TBX15: variants seen among roughly 807,000 people sequenced by gnomAD.
The protein encoded by TBX15 is T-box transcription factor 15.
In TBX15, 18 loss-of-function variants were observed where a neutral mutation model predicts 53.9. The ratio of observed to expected loss-of-function variants is 0.33; its 90% CI spans 0.23 to 0.49. TBX15 has a LOEUF of 0.49. TBX15 is among the 20% of genes least tolerant of loss of function. The pLI, the probability that TBX15 is intolerant of heterozygous loss-of-function variation, is 0.98. For missense variants in TBX15, 692 were observed against 749.5 expected (o/e 0.92, Z 0.90); for synonymous variants, 295 against 278.0 (o/e 1.06, Z -0.61).
rs77691741 is a variant in TBX15 at position 118,954,663 on chromosome 1, A to G, written c.206-22831T>C. ...TTACCCAAAATAGCAAGGGAGCTCA[A>G]CTGCTTTCGGGAAAATCTGACCCTT... is the stretch of plus-strand genomic sequence containing the variant. On this transcript the variant is annotated intron_variant, in intron 1 of 7. Coordinates refer to ENST00000369429, the MANE Select transcript of TBX15 (RefSeq NM_001330677.2). 9.1e-3 allele frequency among the ~76,000 whole-genome samples: 1,384 copies of G among 152,320 alleles called. 23 individuals carry two copies. Among genetic ancestry groups the G allele is most frequent in the African/African-American group, 0.031 (1,306 of 41,584 alleles).
rs1186257686 is a variant in TBX15 at position 118,883,547 on chromosome 1, C to T, written c.*1185G>A. 4 of 152,200 alleles carry T rather than the reference C, an allele frequency of 2.6e-5. No individual in the cohort carries two copies. Among genetic ancestry groups the T allele is most frequent in the Non-Finnish European group, 5.9e-5 (4 of 68,042 alleles). 9.4% of individuals were successfully genotyped at this position (152,200 alleles called of 1,614,324 possible). A position where few individuals can be genotyped will look rare whatever the true frequency, so the allele number is the denominator to read the frequency against. On this transcript the variant is annotated 3_prime_UTR_variant, in exon 8 of 8. Coordinates refer to ENST00000369429, the MANE Select transcript of TBX15 (RefSeq NM_001330677.2). ...CTAGGTCAGGTGTCTGGATCCGGCA[C>T]CTGGAGGCCAGGCCTCTATTTGTTG...
intron 5 of TBX15, among the ~76,000 whole-genome samples, chr1:118,915,984 G>A (rs1178968336): frequency 3.3e-5 from 5 of 152,172 alleles, no homozygotes; most frequent in African/African-American, 1.2e-4. Flanking sequence ...AACAATATCT[G>A]TACACTTGTT....
intron 1 of TBX15, among the ~76,000 whole-genome samples, chr1:118,936,037 C>T (rs1655955540): frequency 6.6e-6 from 1 of 152,144 alleles, no homozygotes; most frequent in Admixed American, 6.6e-5. Context: ...TGTAACACCC[C>T]CTAACTATTT....
At chr1:118,966,364 C>T (rs910914536) in intron 1 of TBX15, among the ~76,000 whole-genome samples, 3 of 152,150 alleles carry the variant, frequency 2.0e-5, no homozygotes, top group African/African-American at 7.2e-5. Context: ...TGAAGAAACA[C>T]AAAAGTAGAC....
intron 7 of TBX15, among the ~76,000 whole-genome samples, chr1:118,896,446 G>C (rs1458086600): frequency 6.6e-6 from 1 of 152,128 alleles, no homozygotes; most frequent in African/African-American, 2.4e-5. Context: ...GATGAAAAAA[G>C]CATTCTTAAC....
intron 7 of TBX15, among the ~76,000 whole-genome samples, chr1:118,890,182 G>A (rs1333654247): frequency 6.6e-6 from 1 of 152,140 alleles, no homozygotes. Context: ...CCCTACCTGT[G>A]CCATATTCCC....
chr1:118,984,029 A>G (rs1009091380), intron 1 of TBX15, among the ~76,000 whole-genome samples: 18 of 152,262 alleles, frequency 1.2e-4, no homozygotes, highest in African/African-American at 4.1e-4. Context: ...TTTTGAGCAA[A>G]CAAACCATAA....
At position 118,885,127 on chromosome 1, in the gene TBX15, A is replaced by T; in HGVS notation, c.1414T>A (p.Phe472Ile). 1 of 1,614,192 alleles carries T rather than the reference A, an allele frequency of 6.2e-7. No individual in the cohort carries two copies. Among genetic ancestry groups the T allele is most frequent in the East Asian group, 2.2e-5 (1 of 44,874 alleles). ...MEAYGGQLGS[F>I]PTSQFQYVMQ... ...ACATACTGAAACTGGGAAGTGGGAA[A>T]GGACCCCAGCTGGCCACCGTAGGCT... The change falls in exon 8 of 8, where the codon TTT becomes ATT. Residue 472 changes from phenylalanine to isoleucine, a missense_variant. By Grantham distance (21) the Phe-to-Ile change is conservative. Around this residue, in one of 3 missense-constraint regions of TBX15, gnomAD observed 375 missense variants for 371.6 expected, o/e 1.01. Coordinates refer to ENST00000369429, the MANE Select transcript of TBX15 (RefSeq NM_001330677.2).
chr1:118,988,643 C>T (rs1657926408), upstream of TBX15, among the ~76,000 whole-genome samples: 1 of 152,216 alleles, frequency 6.6e-6, no homozygotes, highest in South Asian at 2.1e-4. Flanking sequence ...CTGCTGGTCT[C>T]ATAGACGCTG....
At chr1:118,894,186 A>G (rs1654314109) in intron 7 of TBX15, among the ~76,000 whole-genome samples, 1 of 152,212 alleles carries the variant, frequency 6.6e-6, no homozygotes, top group Non-Finnish European at 1.5e-5. Flanking sequence ...GTGATGCTGA[A>G]ACAACAGAGA....
intron 1 of TBX15, among the ~76,000 whole-genome samples, chr1:118,985,385 GC>G (rs1361721400): frequency 1.3e-5 from 2 of 152,304 alleles, no homozygotes; most frequent in Non-Finnish European, 2.9e-5. Flanking sequence ...AACACCCCCA[GC>G]CCTGGTCGCG....
intron 1 of TBX15, among the ~76,000 whole-genome samples, chr1:118,941,040 A>G (rs573381493): frequency 6.6e-6 from 1 of 152,280 alleles, no homozygotes; most frequent in South Asian, 2.1e-4. Context: ...CACAGGCCCC[A>G]TCCTAAGGCT....
intron 6 of TBX15, among the ~76,000 whole-genome samples, chr1:118,913,649 T>C (rs1655096478): frequency 6.6e-6 from 1 of 152,216 alleles, no homozygotes; most frequent in South Asian, 2.1e-4. Context: ...TGATATATTT[T>C]GGAACTATTT....
intron 1 of TBX15, among the ~76,000 whole-genome samples, chr1:118,951,565 C>T (rs1656512567): frequency 6.6e-6 from 1 of 152,196 alleles, no homozygotes; most frequent in Non-Finnish European, 1.5e-5. Context: ...GGTTCCTTAG[C>T]TCTTCTTGGC....
Position 118,968,984 on chromosome 1 carries a change from C to A in TBX15, c.205+18607G>T, listed in dbSNP as rs528742348. 7.2e-5 allele frequency among the ~76,000 whole-genome samples: 11 copies of A among 152,274 alleles called. No homozygotes were observed. The South Asian group carries it at 1.9e-3, about 26-fold the overall frequency. On this transcript the variant is annotated intron_variant, in intron 1 of 7. Coordinates refer to ENST00000369429, the MANE Select transcript of TBX15 (RefSeq NM_001330677.2). The stretch of plus-strand genomic sequence containing the variant: ...TTGGGGTTTTCCTAAGATAGAACAG[C>A]CCAAATGGCATAATCAATACATCAC...
intron 1 of TBX15, among the ~76,000 whole-genome samples, chr1:118,976,099 A>T (rs973966575): frequency 6.6e-6 from 1 of 152,176 alleles, no homozygotes; most frequent in Non-Finnish European, 1.5e-5. Flanking sequence ...GTAAATGATC[A>T]AATCCAGGCT....
chr1:118,885,610 G>A, intron 7 of TBX15, 94 bp from the exon 8 acceptor site: 2 of 1,462,936 alleles, frequency 1.4e-6, no homozygotes, highest in Non-Finnish European at 1.9e-6. Flanking sequence ...GCCTTCAAAT[G>A]TCCAAGATAG....
intron 5 of TBX15, among the ~76,000 whole-genome samples, chr1:118,922,465 T>C (rs1453789133): frequency 6.6e-6 from 1 of 152,222 alleles, no homozygotes; most frequent in African/African-American, 2.4e-5. Context: ...TCAGTGAATT[T>C]ATACACGTTT....
At chr1:118,970,424 A>G (rs1657196666) in intron 1 of TBX15, among the ~76,000 whole-genome samples, 2 of 152,210 alleles carry the variant, frequency 1.3e-5, no homozygotes, top group Non-Finnish European at 2.9e-5. Context: ...GGAGACCTTT[A>G]TCTTCTAAAC....
Sources: allele counts gnomAD v4.1 joint callset (sites outside exome capture counted in the v4.1 genomes callset), GRCh38; gene constraint gnomAD v4.1.1; regional missense constraint gnomAD v4.1.1; transcripts MANE v1.5; gene names NCBI Gene and HGNC (gene_info 2026-07-23, HGNC 2026-07-21).